The following WASL variants were observed in gnomAD, a reference collection of about 807,000 sequenced individuals.
WASL encodes the protein WASP like actin nucleation promoting factor, also known as actin nucleation-promoting factor WASL.
In WASL, 20 loss-of-function variants were observed where a neutral mutation model predicts 55.5. That is an observed-to-expected ratio of 0.36 (90% CI 0.25 to 0.52). The LOEUF (loss-of-function observed/expected upper bound fraction) is 0.52. Ranked by LOEUF, WASL falls within the 20% of genes least tolerant of loss-of-function variation. WASL has a pLI of 0.92. For synonymous variants in WASL, 249 were observed against 217.6 expected, an observed-to-expected ratio of 1.14 and a Z score of -1.27; for missense variants, 504 against 622.5, an observed-to-expected ratio of 0.81 and a Z score of 2.03.
intron 10 of WASL, among the ~76,000 whole-genome samples, chr7:123,684,792 ATGG>A (rs1007481341): frequency 6.6e-6 from 1 of 152,004 alleles, no homozygotes; most frequent in African/African-American, 2.4e-5. Flanking sequence ...TTAGAAGACA[ATGG>A]TTCTAGTTCC....
chr7:123,693,023 A>G (rs940025402), intron 8 of WASL, among the ~76,000 whole-genome samples, 156 bp from the exon 9 acceptor site: 1 of 152,168 alleles, frequency 6.6e-6, no homozygotes, highest in South Asian at 2.1e-4. Flanking sequence ...AGCACAGATG[A>G]TATCTCACAA....
At chr7:123,706,425 T>A in intron 3 of WASL, 52 bp from the exon 4 acceptor site, 1 of 1,509,898 alleles carries the variant, frequency 6.6e-7, no homozygotes, top group Non-Finnish European at 9.1e-7. Flanking sequence ...GAATTTAGCT[T>A]TATATCATAA....
At chr7:123,744,717 T>C (rs1372856739) in intron 1 of WASL, among the ~76,000 whole-genome samples, 1 of 152,192 alleles carries the variant, frequency 6.6e-6, no homozygotes, top group Non-Finnish European at 1.5e-5. Flanking sequence ...GTTTCTCACT[T>C]ATTCAGGACT....
At position 123,706,315 on chromosome 7, in the gene WASL, G is replaced by A. The variant is rs1262865012; in HGVS notation, c.398C>T (p.Ala133Val). 2.5e-6 allele frequency: 4 copies of A among 1,613,492 alleles called. No homozygotes were observed. Among genetic ancestry groups the A allele is most frequent in the Non-Finnish European group, 3.4e-6 (4 of 1,179,774 alleles). Residue 133 changes from alanine (A) to valine (V), a missense_variant, in exon 4 of 11, where the codon GCA (alanine) becomes GTA (valine). Physicochemically the swap from Ala to Val is moderately conservative, Grantham distance 64. Coordinates refer to ENST00000223023, the MANE Select transcript of WASL (RefSeq NM_003941.4). The part of the protein sequence containing the change: ...NEEEAKKFRK[A>V]VTDLLGRRQR... ...TCGACGGCCCAAAAGGTCTGTAACT[G>A]CTTTTCGAAATTTTTTTGCTTCTTC...
In WASL at chr7:123,694,607, A is replaced by C; in HGVS notation, c.826+108T>G. Reference sequence around the variant, plus strand: ...CCACATTAGTTGTCCATAGACTTCAACATTCTGCTCAAGGAAGGGTTCACA... The same window carrying C: ...CCACATTAGTTGTCCATAGACTTCACCATTCTGCTCAAGGAAGGGTTCACA... On this transcript the variant is annotated intron_variant, in intron 8 of 10. Transcript: ENST00000223023. The C allele has an allele frequency of 3.4e-6, 4 of 1,182,536 alleles. No individual in the cohort carries two copies. In the South Asian group the frequency reaches 4.2e-5, roughly 13 times the overall value. 73.3% of individuals were successfully genotyped at this position (1,182,536 alleles called of 1,614,324 possible).
At chr7:123,716,172 G>A (rs1050721197) in intron 1 of WASL, among the ~76,000 whole-genome samples, 4 of 151,974 alleles carry the variant, frequency 2.6e-5, no homozygotes, top group African/African-American at 9.7e-5. Flanking sequence ...AGTTGGAAAG[G>A]GGGTACCCTA....
At chr7:123,706,008 C>A (rs1389529515) in intron 4 of WASL, among the ~76,000 whole-genome samples, 1 of 151,950 alleles carries the variant, frequency 6.6e-6, no homozygotes, top group Non-Finnish European at 1.5e-5. Flanking sequence ...TAGTTCTCAA[C>A]AAAAATATTA....
At chr7:123,736,688 A>G (rs888213247) in intron 1 of WASL, among the ~76,000 whole-genome samples, 1 of 152,206 alleles carries the variant, frequency 6.6e-6, no homozygotes, top group South Asian at 2.1e-4. Context: ...AAAAATGTTA[A>G]AGAAATGGGT....
At chr7:123,729,073 C>T (rs1220559508) in intron 1 of WASL, among the ~76,000 whole-genome samples, 3 of 152,230 alleles carry the variant, frequency 2.0e-5, no homozygotes, top group African/African-American at 4.8e-5. Context: ...GTCATTATTA[C>T]TCTGTGAACT....
intron 1 of WASL, among the ~76,000 whole-genome samples, chr7:123,742,931 G>T (rs1273048534): frequency 1.3e-5 from 2 of 152,160 alleles, no homozygotes; most frequent in African/African-American, 4.8e-5. Context: ...TTCTTTCCCT[G>T]CTAGAGTCCC....
At chr7:123,702,698 G>A (rs1372551945) in intron 5 of WASL, among the ~76,000 whole-genome samples, 1 of 152,078 alleles carries the variant, frequency 6.6e-6, no homozygotes, top group South Asian at 2.1e-4. Context: ...AATGTACCTA[G>A]CATTTACATC....
Position 123,696,700 on chromosome 7 carries a change from T to C in WASL, c.508A>G (p.Thr170Ala). ...TGTGGACCATAAAATCTATTTGTTG[T>C]GATTTCTGGATTTTTTATATCAACT... ...ATVDIKNPEI[T>A]TNRFYGPQVN... The change falls in exon 6 of 11, where the codon ACA becomes GCA. Residue 170 changes from threonine to alanine, a missense_variant. Transcript: ENST00000223023. 6.2e-7 allele frequency: 1 copy of C among 1,600,198 alleles called. No homozygotes were observed. Among genetic ancestry groups the C allele is most frequent in the Non-Finnish European group, 8.5e-7 (1 of 1,173,238 alleles).
intron 1 of WASL, among the ~76,000 whole-genome samples, chr7:123,727,353 T>TCACACACACA (rs150375537): frequency 0.096 from 14,133 of 147,680 alleles, 982 homozygotes; most frequent in East Asian, 0.17. Flanking sequence ...AAAATATGTG[T>TCACACACACA]CACACACACA....
In WASL at chr7:123,730,401, G is replaced by C. The variant is rs140936048; in HGVS notation, c.117+18217C>G. 1.4e-3 allele frequency among the ~76,000 whole-genome samples: 214 copies of C among 152,130 alleles called. No individual in the cohort carries two copies. The East Asian group carries it at 0.037, about 26-fold the overall frequency. ...TAGCTTTTAGATAAATAAAATTAAT[G>C]ACAGTGGGGAGGGATGGGAGGAAGA... On this transcript the variant is annotated intron_variant, in intron 1 of 10. Transcript: ENST00000223023.
intron 5 of WASL, among the ~76,000 whole-genome samples, chr7:123,701,823 T>C (rs1039954807): frequency 1.4e-4 from 21 of 152,212 alleles, no homozygotes; most frequent in African/African-American, 4.8e-4. Context: ...ACAACTTGTA[T>C]TAATAATTAT....
intron 1 of WASL, among the ~76,000 whole-genome samples, chr7:123,716,304 C>T (rs767197566): frequency 4.6e-5 from 7 of 152,140 alleles, no homozygotes; most frequent in Non-Finnish European, 1.0e-4. Context: ...TAACCTCCGC[C>T]TCCCAGGTTC....
chr7:123,709,363 T>C (rs1229175097), intron 1 of WASL, 140 bp from the exon 2 acceptor site: 5 of 593,020 alleles, frequency 8.4e-6, no homozygotes, highest in African/African-American at 7.6e-5. Context: ...ATAATAAACA[T>C]GTATTGTTAT....
intron 1 of WASL, among the ~76,000 whole-genome samples, chr7:123,714,004 T>C (rs1386614616): frequency 1.3e-5 from 2 of 152,214 alleles, no homozygotes; most frequent in Non-Finnish European, 2.9e-5. Context: ...CCCCCATGGA[T>C]ACTAAGAGAT....
chr7:123,743,266 G>C (rs1390838857), intron 1 of WASL, among the ~76,000 whole-genome samples: 1 of 151,824 alleles, frequency 6.6e-6, no homozygotes, highest in Non-Finnish European at 1.5e-5. Context: ...GAACCTGGGA[G>C]GCCGAGGTTG....
Sources: gnomAD v4.1 joint callset for allele counts (sites outside exome capture counted in the v4.1 genomes callset) on GRCh38, gnomAD v4.1.1 for gene constraint, MANE v1.5 for transcripts, NCBI Gene and HGNC (gene_info 2026-07-23, HGNC 2026-07-21) for gene names.